Variants in PIK3C2G observed in about 807,000 individuals in gnomAD.
PIK3C2G encodes phosphatidylinositol-4-phosphate 3-kinase catalytic subunit type 2 gamma, also known as phosphatidylinositol 3-kinase C2 domain-containing subunit gamma.
Under a neutral mutation model 181.1 loss-of-function variants are expected in PIK3C2G, and 168 were observed. The ratio of observed to expected loss-of-function variants is 0.93; its 90% CI spans 0.82 to 1.05. The LOEUF is 1.05. PIK3C2G is among the 50% of genes least tolerant of loss of function. The pLI, the probability that PIK3C2G is intolerant of heterozygous loss-of-function variation, is 0.00. For synonymous variants in PIK3C2G, 573 were observed against 592.2 expected (o/e 0.97, Z 0.47); for missense variants, 1,869 against 1,732.8 (o/e 1.08, Z -1.40).
intron 18 of PIK3C2G, among the ~76,000 whole-genome samples, chr12:18,442,642 A>G (rs912179658): frequency 1.3e-5 from 2 of 152,148 alleles, no homozygotes; most frequent in African/African-American, 4.8e-5. Flanking sequence ...TAGCCATATT[A>G]TGTTTCTAAA....
intron 11 of PIK3C2G, among the ~76,000 whole-genome samples, chr12:18,359,584 G>T (rs926399325): frequency 2.7e-4 from 41 of 152,238 alleles, no homozygotes; most frequent in African/African-American, 9.9e-4. Flanking sequence ...GTCAATGTTT[G>T]CATTATATGT....
intron 18 of PIK3C2G, among the ~76,000 whole-genome samples, chr12:18,486,777 C>T (rs946020937): frequency 6.6e-6 from 1 of 152,072 alleles, no homozygotes; most frequent in Non-Finnish European, 1.5e-5. Flanking sequence ...CCCATGTAGA[C>T]TATAAAATGG....
chr12:18,448,967 C>T (rs955033566), intron 18 of PIK3C2G, among the ~76,000 whole-genome samples: 4 of 151,888 alleles, frequency 2.6e-5, no homozygotes, highest in Admixed American at 6.6e-5. Context: ...GATATCTCTA[C>T]GAGGGGTTGA....
chr12:18,314,126 A>T (rs978375785), intron 6 of PIK3C2G, 62 bp downstream of exon 6: 10 of 818,712 alleles, frequency 1.2e-5, no homozygotes, highest in Non-Finnish European at 7.9e-6. Context: ...CAATATTTCT[A>T]ATTTTTGAAC....
intron 29 of PIK3C2G, among the ~76,000 whole-genome samples, chr12:18,572,711 A>C (rs1362718241): frequency 6.6e-6 from 1 of 151,994 alleles, no homozygotes; most frequent in African/African-American, 2.4e-5. Flanking sequence ...GTAATAACAT[A>C]TATGTTAAAC....
At chr12:18,389,577 C>T (rs1943409338) in intron 14 of PIK3C2G, among the ~76,000 whole-genome samples, 1 of 152,088 alleles carries the variant, frequency 6.6e-6, no homozygotes. Flanking sequence ...TTACTTATAT[C>T]TTTCATTATG....
At chr12:18,533,349 G>A (rs1943657785) in intron 24 of PIK3C2G, among the ~76,000 whole-genome samples, 2 of 152,028 alleles carry the variant, frequency 1.3e-5, no homozygotes, top group African/African-American at 4.8e-5. Context: ...CTACACAAGG[G>A]AAAAAGTTAA....
rs34107109 is a variant in PIK3C2G, at chr12:18,647,453, G to GA, written c.4309-409dup. 3.9e-3 allele frequency among the ~76,000 whole-genome samples: 496 copies of GA among 127,584 alleles called. 3 individuals carry two copies. Among genetic ancestry groups the GA allele is most frequent in the Middle Eastern group, 8.7e-3 (2 of 230 alleles). 83.7% of individuals were successfully genotyped at this position (127,584 alleles called of 152,430 possible). The stretch of plus-strand genomic sequence containing the variant: ...CATCTATTCCCCTGAATCTAAAATT[G>GA]AAAAAAAAAAAAAATAGTCTGCTTT... On this transcript the variant is annotated intron_variant, in intron 32 of 32. Coordinates refer to ENST00000538779, the MANE Select transcript of PIK3C2G (RefSeq NM_001288772.2).
intron 31 of PIK3C2G, among the ~76,000 whole-genome samples, chr12:18,639,287 G>C (rs913950252): frequency 6.6e-6 from 1 of 151,860 alleles, no homozygotes; most frequent in Non-Finnish European, 1.5e-5. Flanking sequence ...TTTACTACAC[G>C]TTTTTTTGAG....
At chr12:18,655,750 GAAA>G in the PIK3C2G span, among the ~76,000 whole-genome samples, 106,798 of 145,090 alleles carry the variant, frequency 0.74, 39,392 homozygotes, top group Admixed American at 0.8. Context: ...ACCTTATCAT[GAAA>G]AAAAAAAAAA....
At chr12:18,512,590 T>C (rs1942279151) in intron 24 of PIK3C2G, among the ~76,000 whole-genome samples, 1 of 151,928 alleles carries the variant, frequency 6.6e-6, no homozygotes, top group Non-Finnish European at 1.5e-5. Context: ...TTAATTTTTT[T>C]CCAGATAGTT....
intron 9 of PIK3C2G, 59 bp downstream of exon 9, chr12:18,338,607 G>A (rs2137595071): frequency 8.4e-7 from 1 of 1,184,276 alleles, no homozygotes; most frequent in East Asian, 2.3e-5. Flanking sequence ...CTTAATTAAG[G>A]AGAGTGAAAG....
chr12:18,266,885 T>C (rs1275706247), intron 1 of PIK3C2G, among the ~76,000 whole-genome samples: 1 of 151,924 alleles, frequency 6.6e-6, no homozygotes, highest in East Asian at 1.9e-4. Context: ...GTTGGGTAAA[T>C]GCTTCATTTT....
intron 18 of PIK3C2G, among the ~76,000 whole-genome samples, chr12:18,470,289 C>T (rs1938334479): frequency 6.6e-6 from 1 of 152,072 alleles, no homozygotes; most frequent in African/African-American, 2.4e-5. Flanking sequence ...CAAGGCTGCC[C>T]GTTAGCAGAA....
the PIK3C2G span, chr12:18,712,969 C>T: frequency 6.2e-7 from 1 of 1,613,932 alleles, no homozygotes; most frequent in Non-Finnish European, 8.5e-7. Flanking sequence ...CAAACAACGG[C>T]ATCCTTTCAC....
chr12:18,395,916 GA>G (rs57271556), intron 15 of PIK3C2G, among the ~76,000 whole-genome samples: 102 of 149,584 alleles, frequency 6.8e-4, no homozygotes, highest in African/African-American at 2.3e-3. Context: ...AATATAACAG[GA>G]AAAAAATATG....
At chr12:18,681,767 A>G in the PIK3C2G span, among the ~76,000 whole-genome samples, 1 of 152,076 alleles carries the variant, frequency 6.6e-6, no homozygotes, top group Non-Finnish European at 1.5e-5. Context: ...TTTGGTACCT[A>G]AAGAAAAGGA....
Position 18,497,694 on chromosome 12 carries a change from G to T in PIK3C2G, c.2962G>T (p.Gly988Cys). Residue 988 changes from glycine (G) to cysteine (C), a missense_variant, in exon 22 of 33, where the codon GGC (glycine) becomes TGC (cysteine). By Grantham distance (159) the Gly-to-Cys change is radical. Transcript: ENST00000538779. ...GATGGACAATATTTGGCTGCAGGAA[G>T]GCTTGGATATGCAAATGATCATTTA... ...QVMDNIWLQE[G>C]LDMQMIIYRC... is the part of the protein sequence containing the mutation. 1.2e-6 allele frequency: 2 copies of T among 1,612,572 alleles called. No individual in the cohort carries two copies. The highest frequency in any genetic ancestry group is 1.7e-6 in the Non-Finnish European group (2 of 1,178,884).
At chr12:18,528,038 C>G (rs1943337890) in intron 24 of PIK3C2G, among the ~76,000 whole-genome samples, 1 of 152,072 alleles carries the variant, frequency 6.6e-6, no homozygotes, top group Non-Finnish European at 1.5e-5. Flanking sequence ...TTGGAGATCT[C>G]ACAGGGTGTT....
Sources: allele counts gnomAD v4.1 joint callset (sites outside exome capture counted in the v4.1 genomes callset), GRCh38; gene constraint gnomAD v4.1.1; transcripts MANE v1.5; gene names NCBI Gene and HGNC (gene_info 2026-07-23, HGNC 2026-07-21).